EFCAB14: variants seen among roughly 807,000 people sequenced by gnomAD.
The protein encoded by EFCAB14 is EF-hand calcium-binding domain-containing protein 14.
Under a neutral mutation model 56.5 loss-of-function variants are expected in EFCAB14, and 43 were observed. The observed-to-expected ratio is 0.76, with a 90% CI of 0.60 to 0.98. The LOEUF (loss-of-function observed/expected upper bound fraction) is 0.98. EFCAB14 is among the 50% of genes least tolerant of loss of function. The pLI is 0.00. For synonymous variants in EFCAB14, 235 were observed against 212.9 expected (o/e 1.10, Z -0.90); for missense variants, 538 against 580.3 (o/e 0.93, Z 0.75).
chr1:46,716,248 CAAAAAAAAA>C (rs10718376), intron 2 of EFCAB14, 38 bp downstream of exon 2: 63 of 1,054,462 alleles, frequency 6.0e-5, no homozygotes, highest in Middle Eastern at 2.9e-4. Flanking sequence ...GACCCTGTCT[CAAAAAAAAA>C]AAAAAAAAAA....
chr1:46,703,931 A>G (rs1056245396), intron 3 of EFCAB14, among the ~76,000 whole-genome samples: 5 of 152,180 alleles, frequency 3.3e-5, no homozygotes, highest in African/African-American at 1.2e-4. Context: ...CAACTGCACT[A>G]ATGTTCTACC....
chr1:46,705,358 T>C (rs1042847475), intron 3 of EFCAB14, among the ~76,000 whole-genome samples: 12 of 152,248 alleles, frequency 7.9e-5, no homozygotes, highest in African/African-American at 2.4e-4. Flanking sequence ...GTTTCATAGA[T>C]GAAGCCCTAG....
intron 3 of EFCAB14, among the ~76,000 whole-genome samples, chr1:46,706,058 G>C (rs1677229364): frequency 6.6e-6 from 1 of 151,990 alleles, no homozygotes; most frequent in East Asian, 1.9e-4. Context: ...CTAGAGACAG[G>C]GTCTTGCTTT....
chr1:46,701,374 G>T (rs553405114), intron 3 of EFCAB14, among the ~76,000 whole-genome samples: 1 of 134,442 alleles, frequency 7.4e-6, no homozygotes, highest in Admixed American at 7.7e-5. Flanking sequence ...CAAGACTATA[G>T]TTATTCCTAA....
chr1:46,686,689 CA>C (rs1676887415), intron 8 of EFCAB14, 94 bp downstream of exon 8: 1 of 1,247,194 alleles, frequency 8.0e-7, no homozygotes, highest in East Asian at 2.5e-5. Context: ...CACATGAGAA[CA>C]AAAGTACGCC....
At chr1:46,711,424 T>C (rs960232851) in intron 2 of EFCAB14, among the ~76,000 whole-genome samples, 2 of 152,174 alleles carry the variant, frequency 1.3e-5, no homozygotes, top group Admixed American at 1.3e-4. Context: ...AATACATAAA[T>C]AACCTGGGTT....
intron 3 of EFCAB14, among the ~76,000 whole-genome samples, chr1:46,697,682 C>G (rs1355755963): frequency 1.3e-5 from 2 of 152,160 alleles, no homozygotes; most frequent in Non-Finnish European, 2.9e-5. Context: ...TGTTTGGCAT[C>G]TCTGTGCCAG....
At chr1:46,706,957 G>A (rs1677241374) in intron 3 of EFCAB14, among the ~76,000 whole-genome samples, 1 of 152,184 alleles carries the variant, frequency 6.6e-6, no homozygotes, top group Admixed American at 6.5e-5. Context: ...CCAGGCAAAA[G>A]TTTGGAAGTC....
chr1:46,688,962 C>A (rs569249658), intron 6 of EFCAB14, among the ~76,000 whole-genome samples: 1 of 152,346 alleles, frequency 6.6e-6, no homozygotes, highest in South Asian at 2.1e-4. Flanking sequence ...AATACCATAA[C>A]AAGTAGTGCA....
At position 46,716,373 on chromosome 1, in the gene EFCAB14, C is replaced by T; in HGVS notation, c.256G>A (p.Val86Met). ...CGFVILAACV[V>M]ACVGLVWMQV... ...ATCCACACCAAGCCAACACAGGCCACAACACAGGCAGCAAGGATGACAAAA... is the reference window on the plus strand; with the variant it reads ...ATCCACACCAAGCCAACACAGGCCATAACACAGGCAGCAAGGATGACAAAA... Residue 86 changes from valine to methionine, a missense_variant, in exon 2 of 11, where the codon GTG (valine) becomes ATG (methionine). Transcript: ENST00000371933. 6.2e-7 allele frequency: 1 copy of T among 1,613,380 alleles called. No individual in the cohort carries two copies. Among genetic ancestry groups the T allele is most frequent in the South Asian group, 1.1e-5 (1 of 91,062 alleles).
At position 46,678,342 on chromosome 1, in the gene EFCAB14, TG is replaced by T; in HGVS notation, c.*118del. 1 of 1,011,838 alleles carries T rather than the reference TG, an allele frequency of 9.9e-7. No homozygotes were observed. The highest frequency in any genetic ancestry group is 1.4e-6 in the Non-Finnish European group (1 of 701,278). The allele number at this position is 1,011,838 out of a possible 1,614,324, so 62.7% of individuals were successfully genotyped here. On this transcript the variant is annotated 3_prime_UTR_variant, in exon 11 of 11. Coordinates refer to ENST00000371933, the MANE Select transcript of EFCAB14 (RefSeq NM_014774.3). ...TAGCTTCTTCAAACAAGTTAAAAGGTGGCAAAGTATCTGCTACAGTAGTTTG... is the reference window on the plus strand; with the variant it reads ...TAGCTTCTTCAAACAAGTTAAAAGGTGCAAAGTATCTGCTACAGTAGTTTG...
In EFCAB14 at chr1:46,717,916, A is replaced by C. The variant is rs1343947595; in HGVS notation, c.172T>G (p.Ser58Ala). The change falls in exon 1 of 11, where the codon TCT (serine) becomes GCT (alanine). Residue 58 changes from serine (S) to alanine (A), a missense_variant. By Grantham distance (99) the Ser-to-Ala change is moderately conservative. Coordinates refer to ENST00000371933, the MANE Select transcript of EFCAB14 (RefSeq NM_014774.3). The part of the protein sequence containing the change: ...EEEFGVVGNR[S>A]RFAKGDYLRC... ...ACCACTACTCACTTGGCAAAGCGAG[A>C]GCGATTTCCAACCACACCGAATTCC... 6.2e-7 allele frequency: 1 copy of C among 1,613,492 alleles called. No individual in the cohort carries two copies. Among genetic ancestry groups the C allele is most frequent in the East Asian group, 2.2e-5 (1 of 44,856 alleles).
rs371888407 is a variant in EFCAB14 at position 46,689,582 on chromosome 1, A to C, written c.795+5T>G. ...ACAGGGAGTTAAGCCAGAGATAAAA[A>C]GCACCTGTTTCAAATTCTCACTGTG... is the stretch of plus-strand genomic sequence containing the variant. On this transcript the variant is annotated splice_donor_5th_base_variant and intron_variant, in intron 6 of 10. Coordinates refer to ENST00000371933, the MANE Select transcript of EFCAB14 (RefSeq NM_014774.3). 8.1e-6 allele frequency: 13 copies of C among 1,613,658 alleles called. 1 individual carries two copies. The African/African-American group carries it at 1.1e-4, about 13-fold the overall frequency.
Position 46,718,195 on chromosome 1 carries a change from G to GAA in EFCAB14, c.-109_-108insTT. ...CTGCCTTCCAGGGTTGGGAATCCTG[G>GAA]GCCAGAGCCCCCTGGTCACTCCCAC... On this transcript the variant is annotated 5_prime_UTR_variant, in exon 1 of 11. Transcript: ENST00000371933. The GAA allele has an allele frequency of 8.1e-7, 1 of 1,231,622 alleles. No individual in the cohort carries two copies. Among genetic ancestry groups the GAA allele is most frequent in the Non-Finnish European group, 1.1e-6 (1 of 881,626 alleles). The allele number at this position is 1,231,622 out of a possible 1,614,324, so 76.3% of individuals were successfully genotyped here.
At position 46,719,113 on chromosome 1, in the gene EFCAB14, T is replaced by A. The variant is rs1435859494; in HGVS notation, c.-1026A>T. ...GCCATCGCTCCAGCCCCAGATCACTTCCCCTTTGGCAGCGGCCGCCTGCGC... is the reference window on the plus strand; with the variant it reads ...GCCATCGCTCCAGCCCCAGATCACTACCCCTTTGGCAGCGGCCGCCTGCGC... On this transcript the variant is annotated 5_prime_UTR_variant, in exon 1 of 11. Coordinates refer to ENST00000371933, the MANE Select transcript of EFCAB14 (RefSeq NM_014774.3). The surrounding 1 kb of genome is among the most constrained non-coding windows in gnomAD (Gnocchi z 4.0). The A allele has an allele frequency of 6.5e-6, 1 of 153,056 alleles. No individual in the cohort carries two copies. The highest frequency in any genetic ancestry group is 1.5e-5 in the Non-Finnish European group (1 of 68,402). 9.5% of individuals were successfully genotyped at this position (153,056 alleles called of 1,614,324 possible). A position where few individuals can be genotyped will look rare whatever the true frequency, so the allele number is the denominator to read the frequency against.
Position 46,708,303 on chromosome 1 carries a change from T to G in EFCAB14, c.335-252A>C, listed in dbSNP as rs1033864943. On this transcript the variant is annotated intron_variant, in intron 2 of 10. Transcript: ENST00000371933. The stretch of plus-strand genomic sequence containing the variant: ...ATAACAGAATGTGAGCAGAAAGAGT[T>G]GGCTTTGAATCTCAATTTTGTGACT... Among the ~76,000 whole-genome samples the G allele has an allele frequency of 4.6e-5, 7 of 152,340 alleles. 1 individual carries two copies. The South Asian group carries it at 1.5e-3, about 32-fold the overall frequency.
intron 2 of EFCAB14, among the ~76,000 whole-genome samples, chr1:46,713,960 T>C (rs1055648355): frequency 6.6e-6 from 1 of 152,168 alleles, no homozygotes; most frequent in South Asian, 2.1e-4. Flanking sequence ...TATCTCATTG[T>C]TTCTTATATC....
intron 2 of EFCAB14, among the ~76,000 whole-genome samples, chr1:46,711,438 A>G (rs1188918052): frequency 1.3e-5 from 2 of 152,330 alleles, no homozygotes; most frequent in South Asian, 2.1e-4. Context: ...CTGGGTTACA[A>G]TTATTAACTA....
Position 46,683,333 on chromosome 1 carries a change from G to T in EFCAB14, c.1279C>A (p.Pro427Thr). The change falls in exon 10 of 11, where the codon CCT becomes ACT. Residue 427 changes from proline (P) to threonine (T), a missense_variant. By Grantham distance (38) the Pro-to-Thr change is conservative. Coordinates refer to ENST00000371933, the MANE Select transcript of EFCAB14 (RefSeq NM_014774.3). ...CTAGAAACTCCTGGTAGGGAGATAG[G>T]TCTTAGTTGGGCAGCTTTCTCAACT... ...DPVEKAAQLR[P>T]ISLPGVSSTE... The T allele has an allele frequency of 1.2e-6, 2 of 1,614,068 alleles. No individual in the cohort carries two copies. Among genetic ancestry groups the T allele is most frequent in the Non-Finnish European group, 1.7e-6 (2 of 1,179,974 alleles).
Sources: allele counts gnomAD v4.1 joint callset (sites outside exome capture counted in the v4.1 genomes callset), GRCh38; gene constraint gnomAD v4.1.1; non-coding constraint Gnocchi (gnomAD v3.1); transcripts MANE v1.5; gene names NCBI Gene and HGNC (gene_info 2026-07-23, HGNC 2026-07-21).